RAB27B: variants seen among roughly 807,000 people sequenced by gnomAD.
The protein encoded by RAB27B is RAB27B, member RAS oncogene family, also known as ras-related protein Rab-27B.
A neutral mutation model predicts 24.6 loss-of-function variants in RAB27B; 15 were observed. The ratio of observed to expected loss-of-function variants is 0.61; its 90% CI spans 0.41 to 0.94. The LOEUF (loss-of-function observed/expected upper bound fraction) is 0.94. Ranked by LOEUF, RAB27B falls within the 40% of genes least tolerant of loss-of-function variation. The probability of loss-of-function intolerance (pLI) is 0.00; values close to 1 mark genes in which losing one functional copy is unlikely to be tolerated. For missense variants in RAB27B, 261 were observed against 266.8 expected (o/e 0.98, Z 0.15); for synonymous variants, 105 against 92.5 (o/e 1.14, Z -0.78).
chr18:54,884,413 T>C lies in RAB27B; in HGVS notation c.320T>C (p.Phe107Ser). ...LMFDLTSQQS[F>S]LNVRNWMSQL... is the part of the protein sequence containing the mutation. ...TTTGACCTCACCAGTCAACAGAGCT[T>C]CTTAAATGTCAGAAACTGGATGAGT... Residue 107 changes from phenylalanine to serine, a missense_variant, in exon 4 of 6, where the codon TTC becomes TCC. Physicochemically the swap from Phe to Ser is radical, Grantham distance 155 (BLOSUM62 -2). Transcript: ENST00000262094. The C allele has an allele frequency of 1.9e-6, 3 of 1,610,768 alleles. No individual in the cohort carries two copies. The highest frequency in any genetic ancestry group is 2.5e-6 in the Non-Finnish European group (3 of 1,177,290).
chr18:54,805,679 A>T (rs1412024551), intron 2 of RAB27B, among the ~76,000 whole-genome samples: 1 of 152,168 alleles, frequency 6.6e-6, no homozygotes, highest in Non-Finnish European at 1.5e-5. Flanking sequence ...ATGTCTTGAA[A>T]GTACAGTACA....
chr18:54,748,695 G>A (rs1383147367), intron 2 of RAB27B, among the ~76,000 whole-genome samples: 2 of 152,210 alleles, frequency 1.3e-5, no homozygotes, highest in Non-Finnish European at 2.9e-5. Context: ...TTCACAAACA[G>A]TGGTGATGGG....
At chr18:54,871,980 G>C (rs773605814) in intron 1 of RAB27B, among the ~76,000 whole-genome samples, 2 of 152,044 alleles carry the variant, frequency 1.3e-5, no homozygotes, top group African/African-American at 4.8e-5. Flanking sequence ...ACCAAAGTTT[G>C]TGTGGGTAAT....
At chr18:54,748,318 T>C (rs1008608400) in intron 2 of RAB27B, among the ~76,000 whole-genome samples, 1 of 152,184 alleles carries the variant, frequency 6.6e-6, no homozygotes, top group Non-Finnish European at 1.5e-5. Flanking sequence ...AATTTGATGA[T>C]ATAGATTCTC....
chr18:54,777,556 G>T (rs1448350097), intron 2 of RAB27B, among the ~76,000 whole-genome samples: 1 of 152,208 alleles, frequency 6.6e-6, no homozygotes, highest in Non-Finnish European at 1.5e-5. Flanking sequence ...GCATGGAAAT[G>T]ATTTACCTTT....
intron 2 of RAB27B, among the ~76,000 whole-genome samples, chr18:54,739,779 C>T (rs909924621): frequency 4.6e-5 from 7 of 152,072 alleles, no homozygotes; most frequent in South Asian, 2.1e-4. Context: ...ATCAGCATTT[C>T]GTATTCTTAA....
chr18:54,856,145 A>G (rs1475297849), intron 1 of RAB27B, among the ~76,000 whole-genome samples: 1 of 152,222 alleles, frequency 6.6e-6, no homozygotes, highest in Non-Finnish European at 1.5e-5. Flanking sequence ...CAGAAAATGA[A>G]TGGGAGCCTT....
chr18:54,842,523 A>AG (rs1911156976), intron 1 of RAB27B, among the ~76,000 whole-genome samples: 1 of 151,544 alleles, frequency 6.6e-6, no homozygotes, highest in Admixed American at 6.6e-5. Flanking sequence ...AAGCCCATCA[A>AG]GTTTAGAAGA....
intron 2 of RAB27B, among the ~76,000 whole-genome samples, chr18:54,820,030 A>T (rs945846310): frequency 3.9e-5 from 6 of 152,112 alleles, no homozygotes; most frequent in African/African-American, 1.2e-4. Context: ...TGTTGGACAT[A>T]TGGCTTGGTT....
chr18:54,889,209 T>C lies in RAB27B; in HGVS notation c.468-15T>C, dbSNP rs1568118310. ...TTCTTCCTCTCAAAAATATTTGCCA[T>C]CCTTTCTATGCTAGCATACCATATT... On this transcript the variant is annotated splice_polypyrimidine_tract_variant and intron_variant, in intron 5 of 5. Coordinates refer to ENST00000262094, the MANE Select transcript of RAB27B (RefSeq NM_004163.4). 2 of 1,589,810 alleles carry C rather than the reference T, an allele frequency of 1.3e-6. No homozygotes were observed. The highest frequency in any genetic ancestry group is 2.3e-5 in the South Asian group (2 of 86,432).
chr18:54,856,018 A>C (rs531490377), intron 1 of RAB27B, among the ~76,000 whole-genome samples: 2 of 152,372 alleles, frequency 1.3e-5, no homozygotes, highest in South Asian at 2.1e-4. Flanking sequence ...AGACGTGCAA[A>C]GCTTCTGCCT....
At chr18:54,883,361 C>T (rs1235091180) in intron 3 of RAB27B, among the ~76,000 whole-genome samples, 1 of 152,108 alleles carries the variant, frequency 6.6e-6, no homozygotes, top group Non-Finnish European at 1.5e-5. Flanking sequence ...AGGAAACCAA[C>T]ACAAAGGATC....
intron 2 of RAB27B, among the ~76,000 whole-genome samples, chr18:54,766,302 G>A (rs1403635630): frequency 1.3e-5 from 2 of 152,142 alleles, no homozygotes; most frequent in Admixed American, 6.6e-5. Flanking sequence ...GACAGTCATG[G>A]CCCTGTAAAT....
chr18:54,833,092 TG>T (rs1910751827), intron 1 of RAB27B, among the ~76,000 whole-genome samples: 1 of 152,154 alleles, frequency 6.6e-6, no homozygotes, highest in Admixed American at 6.5e-5. Flanking sequence ...GAGCATAGTT[TG>T]AAGAAGAGTA....
intron 1 of RAB27B, among the ~76,000 whole-genome samples, chr18:54,833,347 C>A (rs1310339051): frequency 1.3e-5 from 2 of 151,588 alleles, no homozygotes; most frequent in African/African-American, 2.4e-5. Context: ...CCACCTCAGC[C>A]TCCCAAGTAG....
At chr18:54,824,825 T>C (rs1910421800), upstream of RAB27B, among the ~76,000 whole-genome samples, 2 of 142,312 alleles carry the variant, frequency 1.4e-5, no homozygotes, top group African/African-American at 2.6e-5. Flanking sequence ...TTTCTTTCCA[T>C]TTTTTTTTTT....
chr18:54,827,527 G>A (rs1297019297), upstream of RAB27B, among the ~76,000 whole-genome samples: 1 of 152,078 alleles, frequency 6.6e-6, no homozygotes, highest in African/African-American at 2.4e-5. Flanking sequence ...TTTGGTTTGG[G>A]CTATTCCTTT....
chr18:54,866,983 G>C (rs1303069108), intron 1 of RAB27B, among the ~76,000 whole-genome samples: 1 of 152,172 alleles, frequency 6.6e-6, no homozygotes, highest in Non-Finnish European at 1.5e-5. Context: ...GGAATGAAGA[G>C]TCAGAGAACA....
intron 4 of RAB27B, among the ~76,000 whole-genome samples, chr18:54,886,088 T>G (rs1190523873): frequency 6.6e-6 from 1 of 152,100 alleles, no homozygotes; most frequent in Non-Finnish European, 1.5e-5. Context: ...ATTTCAACGT[T>G]GGACATAGAT....
Sources: gnomAD v4.1 joint callset for allele counts (sites outside exome capture counted in the v4.1 genomes callset) on GRCh38, gnomAD v4.1.1 for gene constraint, MANE v1.5 for transcripts, NCBI Gene and HGNC (gene_info 2026-07-23, HGNC 2026-07-21) for gene names.